Variants in ADGRL3 observed in about 807,000 individuals in gnomAD.
ADGRL3 encodes calcium-independent alpha-latrotoxin receptor 3.
Under a neutral mutation model 153.5 loss-of-function variants are expected in ADGRL3, and 62 were observed. That is an observed-to-expected ratio of 0.40 (90% CI 0.33 to 0.50). The LOEUF is 0.50. ADGRL3 is among the 20% of genes least tolerant of loss of function. The pLI, the probability that ADGRL3 is intolerant of heterozygous loss-of-function variation, is 0.47. For synonymous variants in ADGRL3, 710 were observed against 672.5 expected, an observed-to-expected ratio of 1.06 and a Z score of -0.86; for missense variants, 1,641 against 1,859.4, an observed-to-expected ratio of 0.88 and a Z score of 2.16.
rs565214451 is a variant in ADGRL3, at chr4:61,658,357, A to T, written c.474-18469A>T. 2.6e-5 allele frequency among the ~76,000 whole-genome samples: 4 copies of T among 152,260 alleles called. No homozygotes were observed. The South Asian group carries it at 8.3e-4, about 32-fold the overall frequency. ...GAGACTGTATTGTTCCTTGCTTATA[A>T]CATATTCTGTGATTCCATATAATCA... On this transcript the variant is annotated intron_variant, in intron 5 of 26. Coordinates refer to ENST00000683033, the MANE Select transcript of ADGRL3 (RefSeq NM_001387552.1).
At chr4:61,437,450 C>A (rs1350986014) in intron 2 of ADGRL3, among the ~76,000 whole-genome samples, 1 of 152,074 alleles carries the variant, frequency 6.6e-6, no homozygotes, top group Non-Finnish European at 1.5e-5. Context: ...ATTTTCGTTT[C>A]TCTTACCCCA....
intron 2 of ADGRL3, among the ~76,000 whole-genome samples, chr4:61,422,516 A>G (rs1560605968): frequency 6.6e-6 from 1 of 152,132 alleles, no homozygotes; most frequent in Non-Finnish European, 1.5e-5. Flanking sequence ...CTTATTTTAT[A>G]CTTGGTTATA....
intron 9 of ADGRL3, among the ~76,000 whole-genome samples, chr4:61,832,871 G>A (rs1162277883): frequency 6.9e-6 from 1 of 144,968 alleles, no homozygotes; most frequent in Non-Finnish European, 1.5e-5. Context: ...ATAGCTCACT[G>A]CACCCTTGAA....
intron 9 of ADGRL3, among the ~76,000 whole-genome samples, chr4:61,888,287 C>G (rs1198342225): frequency 6.6e-6 from 1 of 152,190 alleles, no homozygotes; most frequent in Non-Finnish European, 1.5e-5. Context: ...TATACAAACA[C>G]ACAAAGCACT....
At chr4:61,259,062 G>A (rs1012410073) in intron 1 of ADGRL3, among the ~76,000 whole-genome samples, 4 of 151,964 alleles carry the variant, frequency 2.6e-5, no homozygotes, top group East Asian at 3.9e-4. Flanking sequence ...ACCTCAAAAC[G>A]AATTCATGAT....
intron 4 of ADGRL3, among the ~76,000 whole-genome samples, chr4:61,539,905 A>G (rs916966924): frequency 1.3e-5 from 2 of 152,018 alleles, no homozygotes; most frequent in Non-Finnish European, 2.9e-5. Flanking sequence ...ACTTCTTCCC[A>G]TGGGCTGTCT....
chr4:61,585,384 T>C (rs1190705192), intron 4 of ADGRL3, among the ~76,000 whole-genome samples: 2 of 152,074 alleles, frequency 1.3e-5, no homozygotes, highest in African/African-American at 4.8e-5. Flanking sequence ...ACCAAATCAA[T>C]ATTTTCTCTA....
intron 6 of ADGRL3, among the ~76,000 whole-genome samples, chr4:61,711,870 T>C (rs1029475912): frequency 3.3e-5 from 5 of 151,930 alleles, no homozygotes. Flanking sequence ...TGGAGAAAAC[T>C]TTAGGTCAAG....
At chr4:61,356,218 T>C (rs972145268) in intron 1 of ADGRL3, among the ~76,000 whole-genome samples, 1 of 152,064 alleles carries the variant, frequency 6.6e-6, no homozygotes, top group African/African-American at 2.4e-5. Flanking sequence ...ATATTCTCAT[T>C]GGTGTCTAGG....
intron 3 of ADGRL3, among the ~76,000 whole-genome samples, chr4:61,507,984 T>G (rs1455484473): frequency 1.3e-5 from 2 of 152,142 alleles, no homozygotes; most frequent in Admixed American, 1.3e-4. Flanking sequence ...ATTCTAAAGG[T>G]TTTTTGTTAC....
intron 8 of ADGRL3, among the ~76,000 whole-genome samples, chr4:61,750,677 C>G (rs1342198449): frequency 6.6e-6 from 1 of 150,938 alleles, no homozygotes; most frequent in Non-Finnish European, 1.5e-5. Context: ...GTAGTCCCAG[C>G]TACTTGGGAG....
chr4:61,371,437 A>G (rs1273086619), intron 1 of ADGRL3, among the ~76,000 whole-genome samples: 5 of 149,656 alleles, frequency 3.3e-5, no homozygotes, highest in Non-Finnish European at 7.4e-5. Flanking sequence ...TGGTGACAAA[A>G]TCTCTCAGCA....
At chr4:61,650,627 CT>C (rs952890130) in intron 5 of ADGRL3, among the ~76,000 whole-genome samples, 17 of 151,416 alleles carry the variant, frequency 1.1e-4, no homozygotes, top group Admixed American at 6.6e-5. Flanking sequence ...CTTTTCCTTT[CT>C]TTTTTTTGAG....
At chr4:61,404,273 C>A (rs974416378) in intron 2 of ADGRL3, among the ~76,000 whole-genome samples, 3 of 151,880 alleles carry the variant, frequency 2.0e-5, no homozygotes, top group Non-Finnish European at 4.4e-5. Flanking sequence ...ATATATATGC[C>A]ATATACAATA....
At chr4:61,591,528 C>T (rs545439810) in intron 5 of ADGRL3, among the ~76,000 whole-genome samples, 4 of 151,704 alleles carry the variant, frequency 2.6e-5, no homozygotes, top group Admixed American at 2.6e-4. Flanking sequence ...TCAGTGGGTA[C>T]AATATAGAAA....
chr4:61,207,632 C>T (rs1188368512), intron 1 of ADGRL3, among the ~76,000 whole-genome samples: 2 of 152,126 alleles, frequency 1.3e-5, no homozygotes, highest in Non-Finnish European at 2.9e-5. Flanking sequence ...ACACCATCTT[C>T]CACAATGGTT....
intron 8 of ADGRL3, among the ~76,000 whole-genome samples, chr4:61,807,928 T>C (rs2148530643): frequency 6.6e-6 from 1 of 152,284 alleles, no homozygotes; most frequent in Non-Finnish European, 1.5e-5. Context: ...GTTTTAATTC[T>C]TTATTAGTCA....
intron 11 of ADGRL3, among the ~76,000 whole-genome samples, chr4:61,903,650 C>CAAAAAAAAAAAAAAAAAAAAAAA (rs55879235): frequency 2.8e-5 from 2 of 72,356 alleles, no homozygotes; most frequent in Non-Finnish European, 2.2e-5. Flanking sequence ...TGGGAAACAG[C>CAAAAAAAAAAAAAAAAAAAAAAA]AAAAAAAAAA....
At chr4:62,002,159 T>C (rs1004053886) in intron 21 of ADGRL3, among the ~76,000 whole-genome samples, 1 of 150,944 alleles carries the variant, frequency 6.6e-6, no homozygotes, top group Non-Finnish European at 1.5e-5. Flanking sequence ...AAAACTTAAA[T>C]CTGATCATGC....
Sources: allele counts gnomAD v4.1 joint callset (sites outside exome capture counted in the v4.1 genomes callset), GRCh38; gene constraint gnomAD v4.1.1; transcripts MANE v1.5; gene names NCBI Gene and HGNC (gene_info 2026-07-23, HGNC 2026-07-21).